PCDHGA4: variants seen among roughly 807,000 people sequenced by gnomAD.
PCDHGA4 encodes protocadherin gamma-A4.
PCDHGA4 carries 38 observed loss-of-function variants against 54.6 expected under a neutral mutation model. The observed-to-expected ratio is 0.70, with a 90% confidence interval of 0.54 to 0.91. The LOEUF (loss-of-function observed/expected upper bound fraction) is 0.91. PCDHGA4 is among the 40% of genes least tolerant of loss of function. The pLI is 0.00. For missense variants in PCDHGA4, 1,298 were observed against 1,220.9 expected, an observed-to-expected ratio of 1.06 and a Z score of -0.94; for synonymous variants, 511 against 512.9, an observed-to-expected ratio of 1.00 and a Z score of 0.05.
chr5:141,413,671 G>A (rs2095665360), intron 1 of PCDHGA4: 13 of 1,613,878 alleles, frequency 8.1e-6, no homozygotes, highest in Non-Finnish European at 9.3e-6. Flanking sequence ...TGATCCGGAT[G>A]TGGGCGTGAA....
intron 1 of PCDHGA4, chr5:141,414,532 C>T (rs747661760): frequency 1.9e-6 from 3 of 1,613,930 alleles, no homozygotes; most frequent in Admixed American, 3.3e-5. Flanking sequence ...CAATGACAAC[C>T]CACCTACCTT....
intron 1 of PCDHGA4, chr5:141,366,731 A>G: frequency 6.2e-7 from 1 of 1,613,012 alleles, no homozygotes; most frequent in Non-Finnish European, 8.5e-7. Flanking sequence ...AGATGCAAAC[A>G]AAGAAGAACG....
chr5:141,421,161 T>C (rs2096550274), intron 1 of PCDHGA4: 7 of 1,259,920 alleles, frequency 5.6e-6, no homozygotes, highest in Non-Finnish European at 7.5e-6. Flanking sequence ...TAGGACTTCA[T>C]AGATACATAA....
intron 1 of PCDHGA4, chr5:141,430,885 C>T (rs771554381): frequency 5.6e-6 from 9 of 1,605,218 alleles, no homozygotes; most frequent in South Asian, 1.1e-5. Flanking sequence ...TGGAGAAAGG[C>T]TCTAGGGTGG....
chr5:141,399,910 G>C, intron 1 of PCDHGA4: 1 of 1,612,438 alleles, frequency 6.2e-7, no homozygotes, highest in Non-Finnish European at 8.5e-7. Context: ...CGCAGACTCA[G>C]GACACAACGC....
At chr5:141,427,570 C>G (rs1487817661) in intron 1 of PCDHGA4, 8 of 662,270 alleles carry the variant, frequency 1.2e-5, no homozygotes, top group Non-Finnish European at 2.2e-5. Flanking sequence ...GGCAAGCCTC[C>G]GCTCTCATCC....
chr5:141,475,679 T>A (rs967189869), intron 1 of PCDHGA4, among the ~76,000 whole-genome samples: 2 of 152,236 alleles, frequency 1.3e-5, no homozygotes, highest in African/African-American at 4.8e-5. Flanking sequence ...GAGTCTTGAT[T>A]TGGATTGGAG....
At chr5:141,418,512 G>C (rs776986277) in intron 1 of PCDHGA4, 1 of 1,613,966 alleles carries the variant, frequency 6.2e-7, no homozygotes, top group Non-Finnish European at 8.5e-7. Context: ...TTAGATGGTG[G>C]GGACCCTCCC....
At position 141,477,100 on chromosome 5, in the gene PCDHGA4, C is replaced by A. The variant is rs970613825; in HGVS notation, c.2515-17707C>A. On this transcript the variant is annotated intron_variant, in intron 1 of 3. Transcript: ENST00000571252. This position sits in a 1 kb window ranked among gnomAD's most constrained non-coding sequence, Gnocchi z 4.9. ...TTTACATCCAGGCCAAAGACAAGGGCGCCAATCCCGAAGGAGCACATTGCA... is the reference window on the plus strand; with the variant it reads ...TTTACATCCAGGCCAAAGACAAGGGAGCCAATCCCGAAGGAGCACATTGCA... 1 of 1,614,216 alleles carries A rather than the reference C, an allele frequency of 6.2e-7. No homozygotes were observed. Among genetic ancestry groups the A allele is most frequent in the Non-Finnish European group, 8.5e-7 (1 of 1,180,040 alleles).
chr5:141,401,211 G>A (rs1180713351), intron 1 of PCDHGA4, among the ~76,000 whole-genome samples: 5 of 151,994 alleles, frequency 3.3e-5, no homozygotes, highest in South Asian at 2.1e-4. Context: ...GTGTGGTGGC[G>A]GGCGCCTGTA....
At chr5:141,464,978 GT>G in intron 1 of PCDHGA4, among the ~76,000 whole-genome samples, 1 of 152,148 alleles carries the variant, frequency 6.6e-6, no homozygotes, top group East Asian at 1.9e-4. Context: ...CTGGCTTCAA[GT>G]GATCCTCCCA....
At chr5:141,441,087 TGACA>T (rs1168679217) in intron 1 of PCDHGA4, 1 of 152,174 alleles carries the variant, frequency 6.6e-6, no homozygotes, top group Non-Finnish European at 1.5e-5. Flanking sequence ...TGGTAGCAAG[TGACA>T]GAGAGGGACT....
chr5:141,425,834 C>A (rs925446924), intron 1 of PCDHGA4, among the ~76,000 whole-genome samples: 1 of 152,220 alleles, frequency 6.6e-6, no homozygotes, highest in Non-Finnish European at 1.5e-5. Context: ...CTTTTAAATT[C>A]TCTTTGCTGG....
intron 1 of PCDHGA4, among the ~76,000 whole-genome samples, chr5:141,449,869 T>G (rs1003364964): frequency 6.6e-6 from 1 of 151,924 alleles, no homozygotes; most frequent in African/African-American, 2.4e-5. Flanking sequence ...ATCAGAAAAT[T>G]TAACATCAAT....
At chr5:141,397,843 C>A (rs1200465582) in intron 1 of PCDHGA4, 7 of 522,606 alleles carry the variant, frequency 1.3e-5, no homozygotes, top group Non-Finnish European at 2.0e-5. Context: ...CTTGAAGCCG[C>A]AGAGGCTGTA....
intron 1 of PCDHGA4, chr5:141,410,073 G>T: frequency 6.2e-7 from 1 of 1,612,940 alleles, no homozygotes; most frequent in South Asian, 1.1e-5. Context: ...CTGCGCACTG[G>T]GGAGGTGCGC....
Position 141,431,325 on chromosome 5 carries a change from G to GT in PCDHGA4, c.2515-63481dup, listed in dbSNP as rs1340996903. On this transcript the variant is annotated intron_variant, in intron 1 of 3. Transcript: ENST00000571252. This position sits in a 1 kb window ranked among gnomAD's most constrained non-coding sequence, Gnocchi z 4.8. ...ATCGTGCAAAATGGAGCCGACGGTA[G>GT]TAAGTACCCCGAATTGGTGCTGAAA... 22 of 1,614,028 alleles carry GT rather than the reference G, an allele frequency of 1.4e-5. No homozygotes were observed. In the Admixed American group the frequency reaches 2.5e-4, roughly 18 times the overall value.
chr5:141,433,401 A>ATCTATCTATCTATCTC (rs1444244130), intron 1 of PCDHGA4, among the ~76,000 whole-genome samples: 1 of 150,482 alleles, frequency 6.6e-6, no homozygotes, highest in African/African-American at 2.4e-5. Context: ...CTATCTATCT[A>ATCTATCTATCTATCTC]TCTATTACTT....
chr5:141,392,758 A>G (rs1589161304), intron 1 of PCDHGA4: 2 of 1,472,462 alleles, frequency 1.4e-6, no homozygotes, highest in Non-Finnish European at 1.8e-6. Context: ...AAGAAACTAA[A>G]TAAGACCCAT....
Sources: allele counts gnomAD v4.1 joint callset (sites outside exome capture counted in the v4.1 genomes callset), GRCh38; gene constraint gnomAD v4.1.1; non-coding constraint Gnocchi (gnomAD v3.1); transcripts MANE v1.5; gene names NCBI Gene and HGNC (gene_info 2026-07-23, HGNC 2026-07-21).